Variants in ALDH4A1 observed in about 807,000 individuals in gnomAD.
ALDH4A1 encodes the protein delta-1-pyrroline-5-carboxylate dehydrogenase, mitochondrial.
Under a neutral mutation model 70.5 loss-of-function variants are expected in ALDH4A1, and 46 were observed. That is an observed-to-expected ratio of 0.65 (90% CI 0.51 to 0.83). ALDH4A1 has a LOEUF of 0.83. Ranked by LOEUF, ALDH4A1 falls within the 40% of genes least tolerant of loss-of-function variation. The pLI is 0.00. For missense variants in ALDH4A1, 749 were observed against 766.5 expected (o/e 0.98, Z 0.27); for synonymous variants, 323 against 324.3 (o/e 1.00, Z 0.04).
In ALDH4A1 at chr1:18,871,920, G is replaced by A. The variant is rs1140477; in HGVS notation, c.*925C>T. Reference sequence around the variant, plus strand: ...GGCAACGTCCTCGGCCCATGCTGACGAACCCAAGGCCAGGCCTCTGGGGGC... The same window carrying A: ...GGCAACGTCCTCGGCCCATGCTGACAAACCCAAGGCCAGGCCTCTGGGGGC... On this transcript the variant is annotated 3_prime_UTR_variant, in exon 15 of 15. Transcript: ENST00000375341. 38,285 of 152,162 alleles carry A rather than the reference G, an allele frequency of 0.25. 4,967 individuals are homozygous for A. The highest frequency in any genetic ancestry group is 0.31 in the Middle Eastern group (92 of 294). The allele number at this position is 152,162 out of a possible 1,614,324, so 9.4% of individuals were successfully genotyped here. A position where few individuals can be genotyped will look rare whatever the true frequency, so the allele number is the denominator to read the frequency against.
intron 1 of ALDH4A1, among the ~76,000 whole-genome samples, chr1:18,894,474 T>C (rs1426422384): frequency 6.6e-6 from 1 of 152,068 alleles, no homozygotes; most frequent in Non-Finnish European, 1.5e-5. Context: ...ACCTGGGAGG[T>C]AGAGGTAGCA....
At chr1:18,877,365 A>C (rs1263774869) in intron 10 of ALDH4A1, 51 bp downstream of exon 10, 1 of 1,553,576 alleles carries the variant, frequency 6.4e-7, no homozygotes, top group Admixed American at 1.9e-5. Flanking sequence ...CCAGGGACCC[A>C]ATCCCATCAG....
At chr1:18,885,100 G>A (rs577776839) in intron 5 of ALDH4A1, among the ~76,000 whole-genome samples, 1 of 152,236 alleles carries the variant, frequency 6.6e-6, no homozygotes, top group East Asian at 1.9e-4. Flanking sequence ...CATAAGCCAG[G>A]AGTAACATCC....
At chr1:18,900,583 A>C (rs1231807775) in intron 1 of ALDH4A1, among the ~76,000 whole-genome samples, 1 of 152,198 alleles carries the variant, frequency 6.6e-6, no homozygotes, top group African/African-American at 2.4e-5. Context: ...AGACGCTGCT[A>C]AACATTCTAC....
intron 11 of ALDH4A1, 47 bp downstream of exon 11, chr1:18,877,161 C>T (rs1282564308): frequency 6.3e-7 from 1 of 1,590,100 alleles, no homozygotes; most frequent in African/African-American, 1.3e-5. Flanking sequence ...CTTCCACCCA[C>T]TCCAGGGCTT....
chr1:18,877,714 C>T, intron 9 of ALDH4A1, 102 bp from the exon 10 acceptor site: 6 of 1,403,546 alleles, frequency 4.3e-6, no homozygotes, highest in Non-Finnish European at 5.9e-6. Context: ...GGGACCAACA[C>T]GAGCACGGAG....
At position 18,872,976 on chromosome 1, in the gene ALDH4A1, T is replaced by C; in HGVS notation, c.1580-19A>G. On this transcript the variant is annotated intron_variant, in intron 14 of 14. Transcript: ENST00000375341. ...TTGGTTCCTGCGGAAAAGACACTTC[T>C]GTTTTTCTCTGAAAAGATGCAACAG... The C allele has an allele frequency of 1.2e-6, 2 of 1,602,542 alleles. No homozygotes were observed. Among genetic ancestry groups the C allele is most frequent in the Middle Eastern group, 1.7e-4 (1 of 6,050 alleles).
intron 4 of ALDH4A1, among the ~76,000 whole-genome samples, 193 bp from the exon 5 acceptor site, chr1:18,885,821 C>T (rs1014138385): frequency 1.3e-5 from 2 of 152,206 alleles, no homozygotes; most frequent in Non-Finnish European, 2.9e-5. Flanking sequence ...GGCTGCCAGT[C>T]TGAAGCCTGA....
At chr1:18,881,594 G>T in intron 8 of ALDH4A1, 106 bp downstream of exon 8, 2 of 1,250,988 alleles carry the variant, frequency 1.6e-6, no homozygotes, top group Non-Finnish European at 2.3e-6. Context: ...AGGGAGTAGA[G>T]TCCGTGCATG....
intron 8 of ALDH4A1, among the ~76,000 whole-genome samples, chr1:18,879,941 A>C (rs1303157360): frequency 1.3e-5 from 2 of 152,178 alleles, no homozygotes; most frequent in Non-Finnish European, 2.9e-5. Flanking sequence ...CCTCAGCACC[A>C]CAAAACAATA....
chr1:18,889,542 T>A, intron 2 of ALDH4A1, 88 bp from the exon 3 acceptor site: 1 of 1,222,602 alleles, frequency 8.2e-7, no homozygotes, highest in Non-Finnish European at 1.2e-6. Flanking sequence ...CAGACGGAGG[T>A]GCCCAGGCAA....
chr1:18,889,894 T>C (rs1935368042), intron 2 of ALDH4A1, 118 bp downstream of exon 2: 1 of 924,380 alleles, frequency 1.1e-6, no homozygotes, highest in South Asian at 1.6e-5. Flanking sequence ...CACCCAAGGC[T>C]GGGAGCAAGG....
chr1:18,880,405 A>C lies in ALDH4A1; in HGVS notation c.867-1032T>G, dbSNP rs1934924524. On this transcript the variant is annotated intron_variant, in intron 8 of 14. Coordinates refer to ENST00000375341, the MANE Select transcript of ALDH4A1 (RefSeq NM_003748.4). The surrounding 1 kb of genome is among the most constrained non-coding windows in gnomAD (Gnocchi z 5.1). ...TCATCCCCACACGCACCCCAACCCC[A>C]ACTCCAGGACAGGCAATGGCCACTG... Among the ~76,000 whole-genome samples, 1 of 145,888 alleles carries C rather than the reference A, an allele frequency of 6.9e-6. No individual in the cohort carries two copies. Among genetic ancestry groups the C allele is most frequent in the Admixed American group, 6.8e-5 (1 of 14,702 alleles).
chr1:18,897,111 C>G (rs752354092), intron 1 of ALDH4A1: 1 of 532,654 alleles, frequency 1.9e-6, no homozygotes, highest in South Asian at 1.4e-5. Flanking sequence ...CCGAAATGTT[C>G]CAAAATCTGA....
intron 1 of ALDH4A1, among the ~76,000 whole-genome samples, chr1:18,894,736 TGTCC>T (rs1023151114): frequency 3.3e-5 from 5 of 152,198 alleles, no homozygotes; most frequent in Non-Finnish European, 7.3e-5. Flanking sequence ...CTGGCCCAGC[TGTCC>T]GTCCATCAGT....
rs539247954 is a variant in ALDH4A1, at chr1:18,885,422, C to G, written c.453+51G>C. 12 of 1,163,534 alleles carry G rather than the reference C, an allele frequency of 1.0e-5. No homozygotes were observed. The East Asian group carries it at 2.6e-4, about 25-fold the overall frequency. The allele number at this position is 1,163,534 out of a possible 1,614,324, so 72.1% of individuals were successfully genotyped here. ...GTCTGCTGCCATGGGTAGGGCACAC[C>G]TGACTCCCACCCCACCCCGCCCCAC... On this transcript the variant is annotated intron_variant, in intron 5 of 14. Transcript: ENST00000375341.
intron 3 of ALDH4A1, among the ~76,000 whole-genome samples, chr1:18,886,969 T>C (rs996609744): frequency 6.6e-6 from 1 of 152,162 alleles, no homozygotes; most frequent in Non-Finnish European, 1.5e-5. Context: ...TGAAAATTCT[T>C]TGGTCCAGTA....
intron 1 of ALDH4A1, among the ~76,000 whole-genome samples, chr1:18,896,187 G>A (rs1170202406): frequency 6.6e-6 from 1 of 152,062 alleles, no homozygotes; most frequent in African/African-American, 2.4e-5. Flanking sequence ...CTGACCATCT[G>A]TGTGCCCGCC....
Position 18,875,443 on chromosome 1 carries a change from G to A in ALDH4A1, c.1399C>T (p.Leu467=), listed in dbSNP as rs544652089. The change falls in exon 13 of 15, where the codon CTG becomes TTG. Residue 467 remains leucine, a synonymous_variant. Coordinates refer to ENST00000375341, the MANE Select transcript of ALDH4A1 (RefSeq NM_003748.4). ...VYPDDKYKET[L]QLVDSTTSYG... ...CTGGTGGTGCTGTCAACCAGCTGCA[G>A]CGTCTCCTTGTACTTGTCATCCGGG... The A allele has an allele frequency of 6.2e-7, 1 of 1,614,176 alleles. No homozygotes were observed. The highest frequency in any genetic ancestry group is 8.5e-7 in the Non-Finnish European group (1 of 1,180,022).
Sources: gnomAD v4.1 joint callset for allele counts (sites outside exome capture counted in the v4.1 genomes callset) on GRCh38, gnomAD v4.1.1 for gene constraint, Gnocchi (gnomAD v3.1) non-coding constraint, MANE v1.5 for transcripts, NCBI Gene and HGNC (gene_info 2026-07-23, HGNC 2026-07-21) for gene names.